CUX1: variants seen among roughly 807,000 people sequenced by gnomAD.
CUX1 encodes protein CASP.
A neutral mutation model predicts 158.8 loss-of-function variants in CUX1; 31 were observed. The ratio of observed to expected loss-of-function variants is 0.20; its 90% CI spans 0.15 to 0.26. CUX1 has a LOEUF of 0.26. CUX1 is among the 10% of genes least tolerant of loss of function. CUX1 has a pLI of 1.00. For missense variants in CUX1, 1,589 were observed against 2,014.6 expected (o/e 0.79, Z 4.04); for synonymous variants, 879 against 862.1 (o/e 1.02, Z -0.34).
At chr7:102,144,915 T>C (rs1554501592) in intron 8 of CUX1, among the ~76,000 whole-genome samples, 2 of 151,350 alleles carry the variant, frequency 1.3e-5, no homozygotes, top group Non-Finnish European at 1.5e-5. Context: ...TGGCAAAACC[T>C]CGTCTCTACT....
chr7:102,268,725 C>T (rs1790987597), intron 14 of CUX1, among the ~76,000 whole-genome samples: 2 of 151,892 alleles, frequency 1.3e-5, no homozygotes, highest in East Asian at 3.9e-4. Context: ...TCTGGGGAGG[C>T]GTTGGAGGCT....
In CUX1 at chr7:102,197,053, G is replaced by A. The variant is rs1350591014; in HGVS notation, c.1642G>A (p.Gly548Ser). 6.2e-7 allele frequency: 1 copy of A among 1,614,226 alleles called. No individual in the cohort carries two copies. The highest frequency in any genetic ancestry group is 1.3e-5 in the African/African-American group (1 of 75,052). ...QSESAGSVSE[G>S]EEMDTAEIAR... ...AGAAAGTGCTGGGAGCGTCTCCGAG[G>A]GCGAGGAGATGGACACTGCAGAAAT... The change falls in exon 15 of 24, where the codon GGC (glycine) becomes AGC (serine). Residue 548 changes from glycine to serine, a missense_variant. Gly to Ser is a moderately conservative substitution (Grantham distance 56). Transcript: ENST00000292535.
intron 8 of CUX1, chr7:102,125,884 G>A (rs201515): frequency 0.52 from 79,302 of 151,436 alleles, 21,334 homozygotes; most frequent in Middle Eastern, 0.65. Flanking sequence ...GCTGGAGTGC[G>A]GTGATATGAT....
At position 102,283,004 on chromosome 7, in the gene CUX1, CT is replaced by C. The variant is rs782553822; in HGVS notation, c.1968-15del. 1.2e-5 allele frequency: 20 copies of C among 1,611,058 alleles called. No individual in the cohort carries two copies. In the South Asian group the frequency reaches 2.1e-4, roughly 17 times the overall value. On this transcript the variant is annotated splice_polypyrimidine_tract_variant and intron_variant, in intron 22 of 22. Transcript: ENST00000292538. ...ACACACACACTCGGCCTCAGCAAAG[CT>C]TCCCGTGTCCCCCAGGTTCGCTGAC...
At chr7:102,124,972 G>A (rs1163263465) in intron 8 of CUX1, among the ~76,000 whole-genome samples, 9 of 152,108 alleles carry the variant, frequency 5.9e-5, no homozygotes, top group Admixed American at 5.2e-4. Flanking sequence ...AACAGAGACA[G>A]GGTTTCGCCA....
Position 102,211,911 on chromosome 7 carries a change from C to A in CUX1, c.3130+6741C>A, listed in dbSNP as rs934735737. Among the ~76,000 whole-genome samples the A allele has an allele frequency of 5.1e-4, 78 of 152,052 alleles. 1 individual carries two copies. The highest frequency in any genetic ancestry group is 1.8e-3 in the African/African-American group (74 of 41,392). ...CGCGCGGGAGCAGCACGGGAAGTCCCGGCTGATGAGATGAGGCTGGGGGGC... is the reference window on the plus strand; with the variant it reads ...CGCGCGGGAGCAGCACGGGAAGTCCAGGCTGATGAGATGAGGCTGGGGGGC... On this transcript the variant is annotated intron_variant, in intron 20 of 23. Transcript: ENST00000292535.
In CUX1 at chr7:101,995,693, C is replaced by T. The variant is rs1359105763; in HGVS notation, c.142-32405C>T. On this transcript the variant is annotated intron_variant, in intron 2 of 23. Coordinates refer to ENST00000292535, the MANE Select transcript of CUX1 (RefSeq NM_181552.4). ...TTGGTGTTTGGAAGCATCCAAACAT[C>T]GGCTGGCCCATGTCCCATAGGGGCG... Among the ~76,000 whole-genome samples the T allele has an allele frequency of 5.3e-5, 8 of 152,294 alleles. No individual in the cohort carries two copies. In the South Asian group the frequency reaches 6.2e-4, roughly 12 times the overall value.
chr7:102,030,277 G>A (rs960419678), intron 3 of CUX1, among the ~76,000 whole-genome samples: 1 of 152,184 alleles, frequency 6.6e-6, no homozygotes, highest in Non-Finnish European at 1.5e-5. Flanking sequence ...CTCCCAAAGT[G>A]CTGGGATTAC....
At chr7:102,060,608 A>AACACACACACAC (rs58786987) in intron 3 of CUX1, among the ~76,000 whole-genome samples, 3,654 of 133,198 alleles carry the variant, frequency 0.027, 98 homozygotes, top group East Asian at 0.076. Context: ...CACACAAATA[A>AACACACACACAC]ACACACACAC....
Position 102,249,286 on chromosome 7 carries a change from C to A in CUX1, c.*244C>A. The A allele has an allele frequency of 9.6e-6, 10 of 1,043,886 alleles. No individual in the cohort carries two copies. Among genetic ancestry groups the A allele is most frequent in the Non-Finnish European group, 1.2e-5 (10 of 867,048 alleles). 64.7% of individuals were successfully genotyped at this position (1,043,886 alleles called of 1,614,324 possible). ...CCCGGGCCGACCCTGCGGCCTCCAC[C>A]AACCCCGCGGCCCAGACCCAGCCCG... On this transcript the variant is annotated 3_prime_UTR_variant, in exon 24 of 24. Coordinates refer to ENST00000292535, the MANE Select transcript of CUX1 (RefSeq NM_181552.4).
intron 23 of CUX1, among the ~76,000 whole-genome samples, chr7:102,247,035 A>C (rs1554537185): frequency 6.6e-6 from 1 of 152,120 alleles, no homozygotes; most frequent in African/African-American, 2.4e-5. Context: ...CTGTCTCTAC[A>C]ATATTTTAAA....
chr7:102,149,869 G>A (rs1308649912), intron 8 of CUX1, among the ~76,000 whole-genome samples: 7 of 152,046 alleles, frequency 4.6e-5, no homozygotes, highest in African/African-American at 1.7e-4. Flanking sequence ...TGCTCTTTCT[G>A]GACAGGGTCC....
chr7:101,914,480 T>C (rs1278969752), intron 1 of CUX1, among the ~76,000 whole-genome samples: 2 of 145,582 alleles, frequency 1.4e-5, no homozygotes, highest in African/African-American at 2.5e-5. Flanking sequence ...CCTTCCCTTC[T>C]TCCTTCCTTC....
chr7:101,849,233 TTTG>T (rs1200719006), intron 1 of CUX1, among the ~76,000 whole-genome samples: 1 of 151,774 alleles, frequency 6.6e-6, no homozygotes, highest in Non-Finnish European at 1.5e-5. Context: ...GTCATGGGGG[TTTG>T]TTGTACAGAT....
At chr7:102,142,926 A>AAAT (rs1163738797) in intron 8 of CUX1, among the ~76,000 whole-genome samples, 18 of 152,328 alleles carry the variant, frequency 1.2e-4, no homozygotes, top group African/African-American at 4.1e-4. Flanking sequence ...ATCTATTAAA[A>AAAT]AATAATAATA....
chr7:102,108,988 A>G (rs567142037), intron 6 of CUX1, among the ~76,000 whole-genome samples: 2 of 152,244 alleles, frequency 1.3e-5, no homozygotes. Context: ...TCCTGACCAC[A>G]AGTGACCTGC....
At chr7:102,113,387 C>T (rs1265921154) in intron 7 of CUX1, among the ~76,000 whole-genome samples, 1 of 152,046 alleles carries the variant, frequency 6.6e-6, no homozygotes, top group Non-Finnish European at 1.5e-5. Context: ...CTCAGCCTCC[C>T]GAGTAGCTGG....
intron 2 of CUX1, among the ~76,000 whole-genome samples, chr7:101,936,741 G>C (rs747830152): frequency 1.3e-5 from 2 of 152,280 alleles, no homozygotes; most frequent in Non-Finnish European, 2.9e-5. Flanking sequence ...CGGCCTCCTC[G>C]CTTTGGGGTT....
At chr7:101,857,650 G>C (rs1271364154) in intron 1 of CUX1, among the ~76,000 whole-genome samples, 1 of 152,218 alleles carries the variant, frequency 6.6e-6, no homozygotes, top group Non-Finnish European at 1.5e-5. Flanking sequence ...GGCTGGGTCG[G>C]ATGACCCCCT....
Sources: allele counts gnomAD v4.1 joint callset (sites outside exome capture counted in the v4.1 genomes callset), GRCh38; gene constraint gnomAD v4.1.1; transcripts MANE v1.5; gene names NCBI Gene and HGNC (gene_info 2026-07-23, HGNC 2026-07-21).